Variants in SLC49A4 observed in about 807,000 individuals in gnomAD.
SLC49A4 encodes disrupted in renal cancer protein 2.
In SLC49A4, 36 loss-of-function variants were observed where a neutral mutation model predicts 50.6. The observed-to-expected ratio is 0.71, with a 90% CI of 0.55 to 0.94. SLC49A4 has a LOEUF of 0.94. Ranked by LOEUF, SLC49A4 falls within the 40% of genes least tolerant of loss-of-function variation. SLC49A4 has a pLI of 0.00. For missense variants in SLC49A4, 503 were observed against 605.7 expected, an observed-to-expected ratio of 0.83 and a Z score of 1.78; for synonymous variants, 248 against 241.2, an observed-to-expected ratio of 1.03 and a Z score of -0.26.
At chr3:122,815,856 G>T (rs945811571) in intron 2 of SLC49A4, among the ~76,000 whole-genome samples, 1 of 152,094 alleles carries the variant, frequency 6.6e-6, no homozygotes, top group African/African-American at 2.4e-5. Flanking sequence ...TGCTGATTTG[G>T]GAACCTGAAG....
At chr3:122,817,749 T>A (rs1434049360) in intron 2 of SLC49A4, among the ~76,000 whole-genome samples, 1 of 36,794 alleles carries the variant, frequency 2.7e-5, no homozygotes, top group Non-Finnish European at 8.0e-5. Flanking sequence ...CCCAGCTAAT[T>A]TTTTTTTTTT....
intron 7 of SLC49A4, among the ~76,000 whole-genome samples, chr3:122,870,505 G>T (rs1302367992): frequency 6.6e-6 from 1 of 150,926 alleles, no homozygotes; most frequent in Admixed American, 6.6e-5. Flanking sequence ...CATCATGCCA[G>T]CTTGATCGAT....
chr3:122,861,503 C>G (rs140755979), intron 7 of SLC49A4, among the ~76,000 whole-genome samples: 1 of 152,116 alleles, frequency 6.6e-6, no homozygotes, highest in South Asian at 2.1e-4. Context: ...TTATAACAAG[C>G]ATTTGTGTGA....
rs1026698513 is a variant in SLC49A4, at chr3:122,860,134, C to T, written c.1070C>T (p.Ala357Val). Residue 357 changes from alanine (A) to valine (V), a missense_variant, in exon 7 of 9, where the codon GCT becomes GTT. Ala to Val is a moderately conservative substitution (Grantham distance 64). Coordinates refer to ENST00000261038, the MANE Select transcript of SLC49A4 (RefSeq NM_032839.3). ...KLILLLLFSGATLSSTWFTLT... is the reference protein window; with the variant it reads ...KLILLLLFSGVTLSSTWFTLT... Reference sequence around the variant, plus strand: ...ATTCTTCTCCTCCTGTTTTCGGGAGCTACACTGTCATCCACGTGGTTCACC... The same window carrying T: ...ATTCTTCTCCTCCTGTTTTCGGGAGTTACACTGTCATCCACGTGGTTCACC... 3 of 1,613,472 alleles carry T rather than the reference C, an allele frequency of 1.9e-6. No individual in the cohort carries two copies. The highest frequency in any genetic ancestry group is 2.5e-6 in the Non-Finnish European group (3 of 1,179,644).
intron 7 of SLC49A4, among the ~76,000 whole-genome samples, chr3:122,861,567 G>A (rs1937058124): frequency 6.6e-6 from 1 of 152,162 alleles, no homozygotes; most frequent in Non-Finnish European, 1.5e-5. Context: ...TTGCCCAGTG[G>A]CATGTATGTT....
intron 6 of SLC49A4, 30 bp from the exon 7 acceptor site, chr3:122,860,045 C>T: frequency 1.3e-6 from 2 of 1,572,938 alleles, no homozygotes; most frequent in South Asian, 1.2e-5. Context: ...TTAAATCCCA[C>T]TAGAATTAAT....
chr3:122,816,367 A>G (rs1326947455), intron 2 of SLC49A4, among the ~76,000 whole-genome samples: 1 of 151,896 alleles, frequency 6.6e-6, no homozygotes, highest in East Asian at 1.9e-4. Flanking sequence ...GCCATCCTAC[A>G]CTCAGTAAGG....
At chr3:122,813,340 A>AT (rs1381639409) in intron 2 of SLC49A4, among the ~76,000 whole-genome samples, 1 of 151,396 alleles carries the variant, frequency 6.6e-6, no homozygotes, top group African/African-American at 2.4e-5. Flanking sequence ...TTTATGAGAC[A>AT]TTTTTTCCAA....
intron 1 of SLC49A4, among the ~76,000 whole-genome samples, chr3:122,804,451 C>A (rs1936180312): frequency 6.6e-6 from 1 of 152,172 alleles, no homozygotes; most frequent in Non-Finnish European, 1.5e-5. Flanking sequence ...TCCTGGGGTC[C>A]TCATAACTCC....
rs1215659506 is a variant in SLC49A4, at chr3:122,795,478, TG to T, written c.291del (p.Ile99SerfsTer20). 1 of 1,606,176 alleles carries T rather than the reference TG, an allele frequency of 6.2e-7. No homozygotes were observed. The highest frequency in any genetic ancestry group is 1.1e-5 in the South Asian group (1 of 90,740). The stretch of plus-strand genomic sequence containing the variant: ...CTGGGACATCGCGCTGCTCGTGCTG[TG>T]GGGGCCCATCGGCTTCCTGCCCTGC... Reference protein sequence around the residue: ...SSWDIALLVLWGPIGFLPCFA... With the variant: ...SSWDIALLVLXGPIGFLPCFA... On this transcript the variant is annotated frameshift_variant, in exon 1 of 9. Transcript: ENST00000261038. LOFTEE classifies it high-confidence loss of function.
At chr3:122,858,576 T>G (rs1490349527) in intron 6 of SLC49A4, among the ~76,000 whole-genome samples, 1 of 152,168 alleles carries the variant, frequency 6.6e-6, no homozygotes, top group Non-Finnish European at 1.5e-5. Flanking sequence ...TCATAGGAAG[T>G]CATTTTATTC....
At chr3:122,867,854 G>A (rs905537770) in intron 7 of SLC49A4, among the ~76,000 whole-genome samples, 4 of 151,796 alleles carry the variant, frequency 2.6e-5, no homozygotes, top group African/African-American at 4.8e-5. Context: ...GGTGGTGGGC[G>A]CCTGTAGTCC....
intron 7 of SLC49A4, among the ~76,000 whole-genome samples, chr3:122,866,956 TG>T (rs1211292162): frequency 6.6e-5 from 10 of 152,264 alleles, no homozygotes; most frequent in Non-Finnish European, 1.5e-4. Context: ...TGCATATAAA[TG>T]GTTGCTGGGG....
intron 6 of SLC49A4, among the ~76,000 whole-genome samples, chr3:122,858,210 G>A (rs1003517649): frequency 4.6e-5 from 7 of 152,186 alleles, no homozygotes; most frequent in African/African-American, 7.2e-5. Context: ...CAGCCTATTC[G>A]AAAGGACTGG....
At chr3:122,847,578 C>T (rs1560223765) in intron 5 of SLC49A4, among the ~76,000 whole-genome samples, 1 of 151,914 alleles carries the variant, frequency 6.6e-6, no homozygotes, top group Non-Finnish European at 1.5e-5. Flanking sequence ...ATCTCCTGAC[C>T]TCGTGATCCG....
At chr3:122,801,929 G>A (rs1173797532) in intron 1 of SLC49A4, among the ~76,000 whole-genome samples, 2 of 152,130 alleles carry the variant, frequency 1.3e-5, no homozygotes, top group Non-Finnish European at 1.5e-5. Flanking sequence ...TTAGACCAAA[G>A]GCTGTTCTGG....
intron 1 of SLC49A4, among the ~76,000 whole-genome samples, chr3:122,796,833 T>G (rs780898586): frequency 4.6e-5 from 7 of 152,120 alleles, no homozygotes; most frequent in Non-Finnish European, 8.8e-5. Flanking sequence ...GAGTGAGCTG[T>G]GATGGCACCA....
At chr3:122,870,054 T>A (rs1421773029) in intron 7 of SLC49A4, among the ~76,000 whole-genome samples, 1 of 152,208 alleles carries the variant, frequency 6.6e-6, no homozygotes. Context: ...ATTAACCAGA[T>A]TGTGATTATT....
At chr3:122,860,810 A>G (rs895563900) in intron 7 of SLC49A4, among the ~76,000 whole-genome samples, 4 of 152,242 alleles carry the variant, frequency 2.6e-5, no homozygotes, top group African/African-American at 9.6e-5. Flanking sequence ...CAAATTTAGC[A>G]ACTTAAAACA....
Sources: allele counts gnomAD v4.1 joint callset (sites outside exome capture counted in the v4.1 genomes callset), GRCh38; gene constraint gnomAD v4.1.1; transcripts MANE v1.5; gene names NCBI Gene and HGNC (gene_info 2026-07-23, HGNC 2026-07-21).